FAM220A: variants seen among roughly 807,000 people sequenced by gnomAD.
FAM220A encodes protein FAM220A.
For missense variants in FAM220A, 392 were observed against 321.6 expected, an observed-to-expected ratio of 1.22 and a Z score of -1.68; for synonymous variants, 141 against 130.7, an observed-to-expected ratio of 1.08 and a Z score of -0.54.
chr7:6,344,976 G>C (rs1265873435), intron 1 of FAM220A, among the ~76,000 whole-genome samples: 2 of 151,990 alleles, frequency 1.3e-5, no homozygotes, highest in Non-Finnish European at 2.9e-5. Context: ...CCTGACCTCA[G>C]GTGATCTGCC....
In FAM220A at chr7:6,333,748, G is replaced by A. The variant is rs543806375; in HGVS notation, c.-81-2513C>T. Among the ~76,000 whole-genome samples the A allele has an allele frequency of 1.9e-4, 28 of 147,968 alleles. No homozygotes were observed. In the South Asian group the frequency reaches 5.8e-3, roughly 31 times the overall value. ...GAAAGTGCACTTCGAAGAGATCCAA[G>A]TAGGTGACTTGAAGAACAAGTGTCT... On this transcript the variant is annotated intron_variant, in intron 1 of 1. Transcript: ENST00000313324.
chr7:6,329,780 TGAG>T lies in FAM220A; in HGVS notation c.*592_*594del, dbSNP rs1562443350. 1 of 166,872 alleles carries T rather than the reference TGAG, an allele frequency of 6.0e-6. No homozygotes were observed. Among genetic ancestry groups the T allele is most frequent in the Non-Finnish European group, 1.5e-5 (1 of 68,436 alleles). The allele number at this position is 166,872 out of a possible 1,614,324, so 10.3% of individuals were successfully genotyped here. ...GGTAACACTGCTAGGGTTCTGAGTTTGAGAAGGGATCTTCTAAAGGTAAACTTA... is the reference window on the plus strand; with the variant it reads ...GGTAACACTGCTAGGGTTCTGAGTTTAAGGGATCTTCTAAAGGTAAACTTA... On this transcript the variant is annotated 3_prime_UTR_variant, in exon 2 of 2. Coordinates refer to ENST00000313324, the MANE Select transcript of FAM220A (RefSeq NM_001037163.2).
intron 1 of FAM220A, among the ~76,000 whole-genome samples, chr7:6,343,637 A>G (rs964305568): frequency 5.1e-4 from 78 of 151,974 alleles, no homozygotes; most frequent in African/African-American, 1.6e-3. Flanking sequence ...GGATGCTAAG[A>G]ACTCCAGGAG....
chr7:6,343,132 C>T (rs1210656247), intron 1 of FAM220A, among the ~76,000 whole-genome samples: 1 of 151,138 alleles, frequency 6.6e-6, no homozygotes, highest in African/African-American at 2.4e-5. Context: ...ATCCCAGCAC[C>T]TTGGGAGGCC....
chr7:6,347,058 G>C (rs1781965585), intron 1 of FAM220A, among the ~76,000 whole-genome samples: 1 of 152,202 alleles, frequency 6.6e-6, no homozygotes, highest in Admixed American at 6.6e-5. Flanking sequence ...TGGGCTCACT[G>C]GGTTCTGACT....
intron 1 of FAM220A, among the ~76,000 whole-genome samples, chr7:6,333,208 A>G (rs1781674386): frequency 6.6e-6 from 1 of 151,998 alleles, no homozygotes; most frequent in Admixed American, 6.6e-5. Context: ...ACTGGGGAGA[A>G]AATGAAGGAT....
chr7:6,335,824 C>T (rs1007773755), intron 1 of FAM220A, among the ~76,000 whole-genome samples: 1 of 152,022 alleles, frequency 6.6e-6, no homozygotes, highest in Non-Finnish European at 1.5e-5. Flanking sequence ...GGCTTGAGCC[C>T]AGGGGTGTGA....
chr7:6,335,845 G>C (rs893188996), intron 1 of FAM220A, among the ~76,000 whole-genome samples: 1 of 151,984 alleles, frequency 6.6e-6, no homozygotes, highest in Non-Finnish European at 1.5e-5. Context: ...GACCAGCCTG[G>C]GCAACACAGC....
chr7:6,332,392 G>A (rs1178824983), intron 1 of FAM220A, among the ~76,000 whole-genome samples: 2 of 152,132 alleles, frequency 1.3e-5, no homozygotes, highest in Admixed American at 6.6e-5. Flanking sequence ...GACCAGCTTT[G>A]CATCTATCTG....
At chr7:6,332,975 A>G (rs1171373034) in intron 1 of FAM220A, among the ~76,000 whole-genome samples, 3 of 152,048 alleles carry the variant, frequency 2.0e-5, no homozygotes, top group Non-Finnish European at 4.4e-5. Context: ...CATGGTCAAC[A>G]TGGTGAAACC....
In FAM220A at chr7:6,331,123, C is replaced by A; in HGVS notation, c.32G>T (p.Cys11Phe). Reference sequence around the variant, plus strand: ...TCCGGCCTGCTGCACTTGTGCCAGGCAGGTGCCGAGGGGCCCTCTTCTGTC... The same window carrying A: ...TCCGGCCTGCTGCACTTGTGCCAGGAAGGTGCCGAGGGGCCCTCTTCTGTC... The part of the protein sequence containing the change: MRDRRGPLGT[C>F]LAQVQQAGGG... Residue 11 changes from cysteine to phenylalanine, a missense_variant, in exon 2 of 2, where the codon TGC (cysteine) becomes TTC (phenylalanine). Cys to Phe is a radical substitution (Grantham distance 205). Coordinates refer to ENST00000313324, the MANE Select transcript of FAM220A (RefSeq NM_001037163.2). 3 of 1,613,204 alleles carry A rather than the reference C, an allele frequency of 1.9e-6. No homozygotes were observed. Among genetic ancestry groups the A allele is most frequent in the South Asian group, 2.2e-5 (2 of 91,078 alleles).
At chr7:6,334,776 GT>G (rs1446919500) in intron 1 of FAM220A, among the ~76,000 whole-genome samples, 6 of 144,432 alleles carry the variant, frequency 4.2e-5, no homozygotes, top group Non-Finnish European at 6.0e-5. Context: ...TGGATAGTTA[GT>G]TAGTTATTTT....
At chr7:6,346,184 G>C (rs993338939) in intron 1 of FAM220A, among the ~76,000 whole-genome samples, 2 of 152,038 alleles carry the variant, frequency 1.3e-5, no homozygotes, top group African/African-American at 4.8e-5. Flanking sequence ...GTGGTAACTG[G>C]GGAGGGCTCA....
intron 1 of FAM220A, among the ~76,000 whole-genome samples, chr7:6,340,807 G>A (rs12055988): frequency 6.7e-6 from 1 of 150,172 alleles, no homozygotes; most frequent in Admixed American, 6.7e-5. Context: ...GCTGAGGCAG[G>A]AGAATGGCGT....
intron 1 of FAM220A, among the ~76,000 whole-genome samples, chr7:6,344,669 T>A (rs893597740): frequency 6.6e-6 from 1 of 152,134 alleles, no homozygotes; most frequent in Non-Finnish European, 1.5e-5. Context: ...TCCTCCCACC[T>A]TGGACTCCCA....
Position 6,330,807 on chromosome 7 carries a change from C to A in FAM220A, c.348G>T (p.Arg116=), listed in dbSNP as rs753361820. 2.5e-6 allele frequency: 4 copies of A among 1,614,180 alleles called. No homozygotes were observed. In the Admixed American group the frequency reaches 6.7e-5, roughly 27 times the overall value. Residue 116 remains arginine (R), a synonymous_variant, in exon 2 of 2, where the codon CGG becomes CGT. Coordinates refer to ENST00000313324, the MANE Select transcript of FAM220A (RefSeq NM_001037163.2). The part of the protein sequence containing the change: ...LFPAPTECFA[R]VSCSGVEALG... ...GAGCTTCAACACCACTGCAGGACAC[C>A]CGAGCAAAACACTCTGTTGGAGCAG...
At chr7:6,335,574 ATTC>A (rs1446752032) in intron 1 of FAM220A, among the ~76,000 whole-genome samples, 3 of 152,018 alleles carry the variant, frequency 2.0e-5, no homozygotes, top group African/African-American at 4.8e-5. Flanking sequence ...GGTTTAGTTC[ATTC>A]TTCTTTCTTC....
chr7:6,335,884 A>G (rs1429458097), intron 1 of FAM220A, among the ~76,000 whole-genome samples: 1 of 151,984 alleles, frequency 6.6e-6, no homozygotes, highest in Non-Finnish European at 1.5e-5. Context: ...AAAAATTTTA[A>G]AAGAGTGGCC....
rs1326019007 is a variant in FAM220A at position 6,348,781 on chromosome 7, C to T, written c.-290G>A. 2.3e-5 allele frequency: 9 copies of T among 393,664 alleles called. No individual in the cohort carries two copies. The highest frequency in any genetic ancestry group is 3.6e-5 in the Non-Finnish European group (8 of 222,846). 24.4% of individuals were successfully genotyped at this position (393,664 alleles called of 1,614,324 possible). ...CATATAGAGACCGGCGCTCCCACAG[C>T]CCCCCCGCCCGCCCTCTCCGCGCCG... On this transcript the variant is annotated 5_prime_UTR_variant, in exon 1 of 2. Transcript: ENST00000313324.
Sources: allele counts gnomAD v4.1 joint callset (sites outside exome capture counted in the v4.1 genomes callset), GRCh38; gene constraint gnomAD v4.1.1; transcripts MANE v1.5; gene names NCBI Gene and HGNC (gene_info 2026-07-23, HGNC 2026-07-21).